The following MTUS2 variants were observed in gnomAD, a reference collection of about 807,000 sequenced individuals.
MTUS2 encodes microtubule associated scaffold protein 2.
In MTUS2, 40 loss-of-function variants were observed where a neutral mutation model predicts 114.1. The observed-to-expected ratio is 0.35, with a 90% CI of 0.27 to 0.46. The LOEUF (loss-of-function observed/expected upper bound fraction) is 0.46, where lower values mean the gene tolerates loss of function less well. Among genes scored for constraint, MTUS2 ranks in the 20% least tolerant of loss-of-function variants. The pLI, the probability that MTUS2 is intolerant of heterozygous loss-of-function variation, is 1.00. For synonymous variants in MTUS2, 688 were observed against 672.0 expected (o/e 1.02, Z -0.37); for missense variants, 1,679 against 1,705.4 (o/e 0.98, Z 0.27).
intron 2 of MTUS2, among the ~76,000 whole-genome samples, chr13:28,947,023 A>G (rs1021565414): frequency 6.6e-6 from 1 of 152,218 alleles, no homozygotes; most frequent in Non-Finnish European, 1.5e-5. Context: ...GTTTACAAAC[A>G]TTACAGCCCA....
At chr13:28,844,096 C>T (rs1259495848) in intron 2 of MTUS2, among the ~76,000 whole-genome samples, 1 of 152,146 alleles carries the variant, frequency 6.6e-6, no homozygotes, top group African/African-American at 2.4e-5. Context: ...CTTCAATGTG[C>T]ACATTCTTAA....
chr13:29,172,022 G>A (rs1369208758), intron 5 of MTUS2, among the ~76,000 whole-genome samples: 2 of 152,198 alleles, frequency 1.3e-5, no homozygotes, highest in Non-Finnish European at 2.9e-5. Context: ...CCCCACTAAA[G>A]TAATTGGGTT....
At chr13:29,070,018 C>A (rs915216403) in intron 4 of MTUS2, among the ~76,000 whole-genome samples, 1 of 152,174 alleles carries the variant, frequency 6.6e-6, no homozygotes, top group African/African-American at 2.4e-5. Context: ...ATATAAAAAT[C>A]ATGACTTCAA....
chr13:29,464,916 G>A (rs376777398), intron 9 of MTUS2, among the ~76,000 whole-genome samples: 18 of 145,790 alleles, frequency 1.2e-4, no homozygotes, highest in East Asian at 5.8e-4. Context: ...TAATTCTAAC[G>A]CATGCTCGAG....
intron 5 of MTUS2, among the ~76,000 whole-genome samples, chr13:29,120,183 C>G (rs1198951641): frequency 6.6e-6 from 1 of 151,912 alleles, no homozygotes; most frequent in Non-Finnish European, 1.5e-5. Flanking sequence ...ACACTGAGGT[C>G]AAAATCACAA....
At chr13:29,010,752 C>A (rs1282424977) in intron 2 of MTUS2, among the ~76,000 whole-genome samples, 1 of 152,106 alleles carries the variant, frequency 6.6e-6, no homozygotes. Context: ...GTTTCTCCTA[C>A]CCCATCAGAA....
chr13:29,291,625 C>T (rs1453018139), intron 6 of MTUS2, among the ~76,000 whole-genome samples: 2 of 152,154 alleles, frequency 1.3e-5, no homozygotes, highest in Admixed American at 6.5e-5. Context: ...CCATCAGCCT[C>T]GGTCCTGCTG....
intron 2 of MTUS2, among the ~76,000 whole-genome samples, chr13:28,842,894 T>G (rs1056271298): frequency 2.0e-5 from 3 of 152,160 alleles, no homozygotes; most frequent in Non-Finnish European, 2.9e-5. Flanking sequence ...CAACACTCAT[T>G]ATCTCAGTGG....
At chr13:28,844,590 A>AGTGTGTGTGT (rs60819520) in intron 2 of MTUS2, among the ~76,000 whole-genome samples, 9,643 of 147,802 alleles carry the variant, frequency 0.065, 384 homozygotes, top group Non-Finnish European at 0.095. Context: ...TTTGTGTGTG[A>AGTGTGTGTGT]GTGTGTGTGT....
intron 2 of MTUS2, among the ~76,000 whole-genome samples, chr13:28,904,133 G>T (rs927680555): frequency 1.9e-3 from 294 of 151,898 alleles, no homozygotes; most frequent in Admixed American, 2.7e-3. Flanking sequence ...TAAATTTATT[G>T]GAGTTCATTG....
chr13:29,467,257 T>A lies in MTUS2; in HGVS notation c.3185-12893T>A, dbSNP rs536546748. On this transcript the variant is annotated intron_variant, in intron 9 of 15. Transcript: ENST00000612955. The stretch of plus-strand genomic sequence containing the variant: ...GTTTAAACATTTTTCAGTCATTTTT[T>A]AAAAGCTCTTTCTAAAAGGGATGTT... Among the ~76,000 whole-genome samples the A allele has an allele frequency of 2.0e-5, 3 of 152,352 alleles. No individual in the cohort carries two copies. In the East Asian group the frequency reaches 5.8e-4, roughly 29 times the overall value.
intron 8 of MTUS2, among the ~76,000 whole-genome samples, chr13:29,368,328 A>G (rs1870915646): frequency 6.6e-6 from 1 of 152,006 alleles, no homozygotes; most frequent in East Asian, 1.9e-4. Flanking sequence ...CATCCTCTCC[A>G]GGAAGTGCAA....
At position 29,143,970 on chromosome 13, in the gene MTUS2, ATATT is replaced by A. The variant is rs554471346; in HGVS notation, c.2644+43009_2644+43012del. 5.9e-5 allele frequency among the ~76,000 whole-genome samples: 9 copies of A among 152,324 alleles called. No homozygotes were observed. The South Asian group carries it at 8.3e-4, about 14-fold the overall frequency. On this transcript the variant is annotated intron_variant, in intron 5 of 15. Transcript: ENST00000612955. ...TGGAATGCAGAAGTGCCATAGTGCCATATTTATTTATTCATTTATTCATTCATTT... is the reference window on the plus strand; with the variant it reads ...TGGAATGCAGAAGTGCCATAGTGCCATATTTATTCATTTATTCATTCATTT...
chr13:29,148,223 CTTTTA>C (rs755490906), intron 5 of MTUS2, among the ~76,000 whole-genome samples: 7 of 145,712 alleles, frequency 4.8e-5, no homozygotes, highest in East Asian at 2.1e-4. Context: ...TCATTTCCAA[CTTTTA>C]TTTTAAGTGC....
intron 2 of MTUS2, among the ~76,000 whole-genome samples, chr13:28,922,747 C>A (rs1168580175): frequency 6.6e-6 from 1 of 152,172 alleles, no homozygotes; most frequent in Non-Finnish European, 1.5e-5. Flanking sequence ...TTCCTACCCC[C>A]CTTCAGTGCC....
intron 2 of MTUS2, among the ~76,000 whole-genome samples, chr13:28,940,448 G>C (rs1203429868): frequency 3.3e-5 from 5 of 152,124 alleles, no homozygotes; most frequent in Admixed American, 3.3e-4. Context: ...TGTTTACCAG[G>C]GTTTGTGGGG....
At chr13:29,060,930 A>G (rs1159667865) in intron 4 of MTUS2, among the ~76,000 whole-genome samples, 1 of 151,184 alleles carries the variant, frequency 6.6e-6, no homozygotes, top group Non-Finnish European at 1.5e-5. Flanking sequence ...CCTCCTGAGT[A>G]GCTGGGACTA....
At chr13:29,459,691 T>G (rs1220285318) in intron 9 of MTUS2, among the ~76,000 whole-genome samples, 1 of 152,166 alleles carries the variant, frequency 6.6e-6, no homozygotes, top group Non-Finnish European at 1.5e-5. Flanking sequence ...ATGCTTGAAT[T>G]TTTTTTAGCA....
intron 5 of MTUS2, among the ~76,000 whole-genome samples, chr13:29,187,364 G>T (rs1331419941): frequency 6.6e-6 from 1 of 152,046 alleles, no homozygotes; most frequent in African/African-American, 2.4e-5. Context: ...GACAGACCAA[G>T]AGAAATTAAA....
Sources: allele counts gnomAD v4.1 joint callset (sites outside exome capture counted in the v4.1 genomes callset), GRCh38; gene constraint gnomAD v4.1.1; transcripts MANE v1.5; gene names NCBI Gene and HGNC (gene_info 2026-07-23, HGNC 2026-07-21).